Variants in LRRC27 observed in about 807,000 individuals in gnomAD.
The protein encoded by LRRC27 is leucine rich repeat containing 27.
Under a neutral mutation model 55.0 loss-of-function variants are expected in LRRC27, and 57 were observed. That is an observed-to-expected ratio of 1.04 (90% CI 0.84 to 1.29). The LOEUF is 1.29. LRRC27 is among the 50% of genes most tolerant of loss of function. The pLI, the probability that LRRC27 is intolerant of heterozygous loss-of-function variation, is 0.00. For synonymous variants in LRRC27, 278 were observed against 251.9 expected, an observed-to-expected ratio of 1.10 and a Z score of -0.98; for missense variants, 721 against 651.5, an observed-to-expected ratio of 1.11 and a Z score of -1.16.
chr10:132,348,921 G>C lies in LRRC27; in HGVS notation c.926+565G>C. ...AAAGCTTGCCTTTGCCTTTGGTACA[G>C]TGAGTTTGGGGGCCGAGATTTTATT... On this transcript the variant is annotated intron_variant, in intron 6 of 10. Transcript: ENST00000368614. The surrounding 1 kb of genome is among the most constrained non-coding windows in gnomAD (Gnocchi z 4.2). 6.8e-7 allele frequency: 1 copy of C among 1,463,776 alleles called. No homozygotes were observed. 90.7% of individuals were successfully genotyped at this position (1,463,776 alleles called of 1,614,324 possible). A position where few individuals can be genotyped will look rare whatever the true frequency, so the allele number is the denominator to read the frequency against.
chr10:132,331,453 C>CT, upstream of LRRC27: 1 of 1,611,598 alleles, frequency 6.2e-7, no homozygotes, highest in Non-Finnish European at 8.5e-7. Flanking sequence ...CCTCGCCCCC[C>CT]TCACTCCTCC....
chr10:132,356,363 A>C (rs1446358679), intron 8 of LRRC27, among the ~76,000 whole-genome samples: 1 of 152,214 alleles, frequency 6.6e-6, no homozygotes, highest in Non-Finnish European at 1.5e-5. Flanking sequence ...CAAGATTGCC[A>C]GCTCTTAAGC....
chr10:132,337,839 GT>G (rs3215605), intron 3 of LRRC27, 144 bp downstream of exon 3: 337,720 of 924,236 alleles, frequency 0.37, 64,170 homozygotes, highest in African/African-American at 0.42. Context: ...CAGCTAAGAG[GT>G]TGCGACGGCT....
At chr10:132,332,889 G>A (rs2066881873) in intron 1 of LRRC27, among the ~76,000 whole-genome samples, 1 of 152,184 alleles carries the variant, frequency 6.6e-6, no homozygotes, top group Admixed American at 6.5e-5. Context: ...GTGGAAGTGT[G>A]CCTCGCTGAA....
In LRRC27 at chr10:132,365,298, G is replaced by A. The variant is rs952987465; in HGVS notation, c.1290-126G>A. 7.9e-5 allele frequency: 101 copies of A among 1,279,570 alleles called. 2 individuals carry two copies. In the Middle Eastern group the frequency reaches 9.6e-4, roughly 12 times the overall value. 79.3% of individuals were successfully genotyped at this position (1,279,570 alleles called of 1,614,324 possible). On this transcript the variant is annotated intron_variant, in intron 9 of 10. Transcript: ENST00000368614. Reference sequence around the variant, plus strand: ...GCCACAGTAACTGGCACAGCTGTGCGGGAGCCTCAGGACCGCTGTTTGGTC... The same window carrying A: ...GCCACAGTAACTGGCACAGCTGTGCAGGAGCCTCAGGACCGCTGTTTGGTC...
In LRRC27 at chr10:132,378,140, A is replaced by G. The variant is rs111403650; in HGVS notation, c.*2898A>G. Reference sequence around the variant, plus strand: ...CAGTGAGCCGAGATCGCGCCACTGCACTCCAGCCTGGGCGACAGAGCGAGA... The same window carrying G: ...CAGTGAGCCGAGATCGCGCCACTGCGCTCCAGCCTGGGCGACAGAGCGAGA... On this transcript the variant is annotated 3_prime_UTR_variant, in exon 11 of 11. Transcript: ENST00000368614. 1 of 150,722 alleles carries G rather than the reference A, an allele frequency of 6.6e-6. No individual in the cohort carries two copies. The highest frequency in any genetic ancestry group is 1.5e-5 in the Non-Finnish European group (1 of 67,740). 9.3% of individuals were successfully genotyped at this position (150,722 alleles called of 1,614,324 possible). A position where few individuals can be genotyped will look rare whatever the true frequency, so the allele number is the denominator to read the frequency against.
chr10:132,375,329 A>G lies in LRRC27; in HGVS notation c.*87A>G. On this transcript the variant is annotated 3_prime_UTR_variant, in exon 11 of 11. Transcript: ENST00000368614. ...GGCGTCGCCTCCTGTGTGGTGCCGGAAGAGCGCCAGGTTCAGTGTTACCCT... is the reference window on the plus strand; with the variant it reads ...GGCGTCGCCTCCTGTGTGGTGCCGGGAGAGCGCCAGGTTCAGTGTTACCCT... 3 of 1,295,542 alleles carry G rather than the reference A, an allele frequency of 2.3e-6. No individual in the cohort carries two copies. The highest frequency in any genetic ancestry group is 3.2e-6 in the Non-Finnish European group (3 of 938,312). 80.3% of individuals were successfully genotyped at this position (1,295,542 alleles called of 1,614,324 possible). A position where few individuals can be genotyped will look rare whatever the true frequency, so the allele number is the denominator to read the frequency against.
chr10:132,364,346 AATCTACCTCCACACCC>A (rs2068811555), intron 9 of LRRC27, among the ~76,000 whole-genome samples: 1 of 16,730 alleles, frequency 6.0e-5, no homozygotes, highest in Non-Finnish European at 1.2e-4. Context: ...ACCCACACTT[AATCTACCTCCACACCC>A]GCGCTTACAC....
At chr10:132,336,161 T>A (rs1264017696) in intron 2 of LRRC27, among the ~76,000 whole-genome samples, 2 of 152,180 alleles carry the variant, frequency 1.3e-5, no homozygotes, top group Non-Finnish European at 2.9e-5. Context: ...AGATTCCTTT[T>A]ACTGGCATTG....
chr10:132,366,995 T>G, intron 10 of LRRC27: 1 of 1,231,694 alleles, frequency 8.1e-7, no homozygotes, highest in Non-Finnish European at 1.0e-6. Flanking sequence ...CTCTTATTCT[T>G]TCTAAATCCA....
At chr10:132,357,550 G>A (rs2068362874) in intron 8 of LRRC27, among the ~76,000 whole-genome samples, 1 of 152,132 alleles carries the variant, frequency 6.6e-6, no homozygotes, top group South Asian at 2.1e-4. Context: ...GTAAGTTAAA[G>A]CAGCACAAGT....
intron 9 of LRRC27, among the ~76,000 whole-genome samples, chr10:132,364,766 GCTTACATCTACCTCCAC>G (rs2068952469): frequency 5.0e-4 from 4 of 7,966 alleles, no homozygotes; most frequent in Non-Finnish European, 4.2e-4. Context: ...TTACACTCAT[GCTTACATCTACCTCCAC>G]GCCCACACTC....
upstream of LRRC27, chr10:132,331,882 C>A (rs2066774344): frequency 6.7e-6 from 7 of 1,044,908 alleles, no homozygotes; most frequent in Non-Finnish European, 9.5e-6. Context: ...CGCAGGCGCA[C>A]CACCCCCTGC....
chr10:132,339,979 C>T (rs551808300), intron 3 of LRRC27, among the ~76,000 whole-genome samples: 11 of 152,274 alleles, frequency 7.2e-5, no homozygotes, highest in African/African-American at 1.7e-4. Flanking sequence ...ACATATTACT[C>T]GGAAATACAA....
rs112108153 is a variant in LRRC27 at position 132,365,467 on chromosome 10, G to T, written c.1333G>T (p.Val445Phe). 2 of 1,613,696 alleles carry T rather than the reference G, an allele frequency of 1.2e-6. No homozygotes were observed. The highest frequency in any genetic ancestry group is 1.1e-5 in the South Asian group (1 of 91,086). ...RNLEEKIKQH[V>F]LQMREQRRFH... ...TTTAGAAGAGAAGATAAAACAGCAC[G>T]TCCTCCAAATGCGTGAGCAAAGAAG... Residue 445 changes from valine (V) to phenylalanine (F), a missense_variant, in exon 10 of 11, where the codon GTC becomes TTC. Val to Phe is a conservative substitution (Grantham distance 50). Transcript: ENST00000368614.
rs1473032129 is a variant in LRRC27, at chr10:132,381,054, A to G, written c.*5812A>G. Among the ~76,000 whole-genome samples the G allele has an allele frequency of 6.6e-6, 1 of 152,256 alleles. No individual in the cohort carries two copies. The highest frequency in any genetic ancestry group is 1.9e-4 in the East Asian group (1 of 5,208). On this transcript the variant is annotated 3_prime_UTR_variant, in exon 11 of 11. Coordinates refer to ENST00000368614, the MANE Select transcript of LRRC27 (RefSeq NM_030626.3). ...TTAAATGTCAACTTGATTAGATTGA[A>G]GAATGTAAAGTATTGTTTCTGGGTG...
chr10:132,331,118 T>A (rs1402916450), upstream of LRRC27, among the ~76,000 whole-genome samples: 1 of 145,792 alleles, frequency 6.9e-6, no homozygotes, highest in Non-Finnish European at 1.5e-5. Context: ...GGAGAATTGC[T>A]TGAACCTGGG....
intron 10 of LRRC27, chr10:132,367,058 CT>C: frequency 1.9e-6 from 2 of 1,032,658 alleles, no homozygotes; most frequent in South Asian, 4.5e-5. Context: ...CCTCTTAGGG[CT>C]GCAAAACATC....
Position 132,338,736 on chromosome 10 carries a change from A to G in LRRC27, c.341+1041A>G, listed in dbSNP as rs1246452543. The stretch of plus-strand genomic sequence containing the variant: ...TTTTTTTTTTTTTTTTTGAGACGGA[A>G]TCTTGCTCTGTCTCCCAGGCTGGAG... On this transcript the variant is annotated intron_variant, in intron 3 of 10. Transcript: ENST00000368614. Among the ~76,000 whole-genome samples, 21 of 144,520 alleles carry G rather than the reference A, an allele frequency of 1.5e-4. No homozygotes were observed. The East Asian group carries it at 3.8e-3, about 26-fold the overall frequency. The allele number at this position is 144,520 out of a possible 152,430, so 94.8% of individuals were successfully genotyped here.
Sources: gnomAD v4.1 joint callset for allele counts (sites outside exome capture counted in the v4.1 genomes callset) on GRCh38, gnomAD v4.1.1 for gene constraint, Gnocchi (gnomAD v3.1) non-coding constraint, MANE v1.5 for transcripts, NCBI Gene and HGNC (gene_info 2026-07-23, HGNC 2026-07-21) for gene names.